The following PARP1 variants were observed in gnomAD, a reference collection of about 807,000 sequenced individuals.
PARP1 encodes the protein poly(ADP-ribose) polymerase 1, also known as poly [ADP-ribose] polymerase 1.
A neutral mutation model predicts 118.7 loss-of-function variants in PARP1; 44 were observed. The ratio of observed to expected loss-of-function variants is 0.37; its 90% CI spans 0.29 to 0.48. The LOEUF is 0.48. Ranked by LOEUF, PARP1 falls within the 20% of genes least tolerant of loss-of-function variation. The probability of loss-of-function intolerance (pLI) is 0.99; values close to 1 mark genes in which losing one functional copy is unlikely to be tolerated. For synonymous variants in PARP1, 492 were observed against 483.2 expected, an observed-to-expected ratio of 1.02 and a Z score of -0.24; for missense variants, 1,100 against 1,272.4, an observed-to-expected ratio of 0.86 and a Z score of 2.06.
At position 226,389,337 on chromosome 1, in the gene PARP1, C is replaced by T. The variant is rs929268121; in HGVS notation, c.618-582G>A. 5.3e-5 allele frequency among the ~76,000 whole-genome samples: 8 copies of T among 152,348 alleles called. 1 individual carries two copies. Among genetic ancestry groups the T allele is most frequent in the African/African-American group, 1.9e-4 (8 of 41,584 alleles). On this transcript the variant is annotated intron_variant, in intron 4 of 22. Transcript: ENST00000366794. ...GCCCCAGCTGGCTCAGCAAACACAG[C>T]TCTGAGGCTATCACCTGCCCCCAAA...
chr1:226,370,807 G>A, intron 14 of PARP1: 1 of 454,824 alleles, frequency 2.2e-6, no homozygotes, highest in Non-Finnish European at 4.1e-6. Flanking sequence ...TCTGGACGAA[G>A]ATATAGCATA....
Position 226,365,153 on chromosome 1 carries a change from A to G in PARP1, c.2507T>C (p.Ile836Thr), listed in dbSNP as rs770746875. 3 of 1,614,066 alleles carry G rather than the reference A, an allele frequency of 1.9e-6. No homozygotes were observed. In the South Asian group the frequency reaches 3.3e-5, roughly 18 times the overall value. Reference sequence around the variant, plus strand: ...TTCGCCTTCACGCTCTATCTTAAAGATCTGGTTGGAGTAGTAAACAAAGGG... The same window carrying G: ...TTCGCCTTCACGCTCTATCTTAAAGGTCTGGTTGGAGTAGTAAACAAAGGG... Reference protein sequence around the residue: ...HNAYDLEVIDIFKIEREGECQ... With the variant: ...HNAYDLEVIDTFKIEREGECQ... The change falls in exon 19 of 23, where the codon ATC becomes ACC. Residue 836 changes from isoleucine (I) to threonine (T), a missense_variant and splice_region_variant. By Grantham distance (89) the Ile-to-Thr change is moderately conservative. Coordinates refer to ENST00000366794, the MANE Select transcript of PARP1 (RefSeq NM_001618.4).
rs1664715567 is a variant in PARP1, at chr1:226,386,306, T to C, written c.834+20A>G. On this transcript the variant is annotated intron_variant, in intron 6 of 22. Transcript: ENST00000366794. The stretch of plus-strand genomic sequence containing the variant: ...GGTCGGCCTCACATGCGTGTCCCAC[T>C]TAACACAAAGGCAGCTCACCGCCGA... 1 of 1,492,898 alleles carries C rather than the reference T, an allele frequency of 6.7e-7. No individual in the cohort carries two copies. The allele number at this position is 1,492,898 out of a possible 1,614,324, so 92.5% of individuals were successfully genotyped here. A position where few individuals can be genotyped will look rare whatever the true frequency, so the allele number is the denominator to read the frequency against.
chr1:226,390,553 G>A lies in PARP1; in HGVS notation c.474C>T (p.Tyr158=), dbSNP rs771795134. 1 of 1,614,192 alleles carries A rather than the reference G, an allele frequency of 6.2e-7. No homozygotes were observed. The highest frequency in any genetic ancestry group is 1.7e-5 in the Admixed American group (1 of 60,020). ...TGTTCTTGACAAAGCAGCCTGGATG[G>A]TACCAGCGGTCAATCATGCCTAGCT... ...KPQLGMIDRW[Y]HPGCFVKNRE... The change falls in exon 4 of 23, where the codon TAC becomes TAT. Residue 158 remains tyrosine, a synonymous_variant. Transcript: ENST00000366794.
chr1:226,367,398 G>A, intron 17 of PARP1, 82 bp downstream of exon 17: 1 of 1,524,492 alleles, frequency 6.6e-7, no homozygotes, highest in Admixed American at 1.7e-5. Context: ...CTTTCCAGGA[G>A]ATCCTAACAC....
intron 15 of PARP1, 37 bp downstream of exon 15, chr1:226,370,397 G>T: frequency 6.6e-7 from 1 of 1,509,160 alleles, no homozygotes; most frequent in South Asian, 1.1e-5. Context: ...TCGGCCAGAG[G>T]AGGGTTCCAG....
At chr1:226,401,831 G>A (rs1404114265) in intron 2 of PARP1, among the ~76,000 whole-genome samples, 1 of 152,136 alleles carries the variant, frequency 6.6e-6, no homozygotes, top group Non-Finnish European at 1.5e-5. Context: ...ATGTGTCAGT[G>A]TAGGTTCCTC....
chr1:226,384,969 A>G (rs942620459), intron 7 of PARP1, among the ~76,000 whole-genome samples: 3 of 152,196 alleles, frequency 2.0e-5, no homozygotes, highest in African/African-American at 7.2e-5. Flanking sequence ...AGCCAGCCCC[A>G]CAAAGATACT....
intron 17 of PARP1, 30 bp downstream of exon 17, chr1:226,367,450 A>C: frequency 6.2e-7 from 1 of 1,612,642 alleles, no homozygotes; most frequent in Non-Finnish European, 8.5e-7. Flanking sequence ...TGAGAGGTTA[A>C]GATGCTTGAG....
chr1:226,405,612 T>C (rs1472903487), intron 1 of PARP1, among the ~76,000 whole-genome samples: 5 of 152,048 alleles, frequency 3.3e-5, no homozygotes. Context: ...GGCCCCAGAA[T>C]GCTAAACTTG....
chr1:226,387,036 G>A (rs954435291), intron 5 of PARP1, among the ~76,000 whole-genome samples: 24 of 152,174 alleles, frequency 1.6e-4, no homozygotes, highest in Admixed American at 6.5e-4. Context: ...AGACTGGAGT[G>A]CAATGATGCG....
Position 226,367,285 on chromosome 1 carries a change from C to T in PARP1, c.2406+195G>A, listed in dbSNP as rs1013013116. Reference sequence around the variant, plus strand: ...CCTTGCAAACAAGGTGCATTATCTACACGTGAAACGCCCAAAGGTTCTCAA... The same window carrying T: ...CCTTGCAAACAAGGTGCATTATCTATACGTGAAACGCCCAAAGGTTCTCAA... On this transcript the variant is annotated intron_variant, in intron 17 of 22. Coordinates refer to ENST00000366794, the MANE Select transcript of PARP1 (RefSeq NM_001618.4). 3.0e-5 allele frequency: 20 copies of T among 656,852 alleles called. No homozygotes were observed. In the East Asian group the frequency reaches 3.9e-4, roughly 13 times the overall value. 40.7% of individuals were successfully genotyped at this position (656,852 alleles called of 1,614,324 possible).
At chr1:226,370,768 C>T (rs1473072911) in intron 14 of PARP1, 5 of 552,044 alleles carry the variant, frequency 9.1e-6, no homozygotes, top group African/African-American at 1.9e-5. Context: ...TCCTCTGCCC[C>T]TATGCCCAGT....
intron 14 of PARP1, chr1:226,371,184 C>CA (rs1280814930): frequency 6.4e-6 from 1 of 156,748 alleles, no homozygotes; most frequent in Non-Finnish European, 1.4e-5. Context: ...AAAAGGCACT[C>CA]ACTCCCTTTT....
intron 14 of PARP1, among the ~76,000 whole-genome samples, chr1:226,371,872 A>G (rs1576392893): frequency 3.0e-5 from 1 of 33,098 alleles, no homozygotes; most frequent in South Asian, 1.4e-3. Flanking sequence ...CGCACAGACT[A>G]AAAATAAGAG....
At chr1:226,404,658 T>C (rs1295460224) in intron 1 of PARP1, among the ~76,000 whole-genome samples, 5 of 152,304 alleles carry the variant, frequency 3.3e-5, no homozygotes, top group Non-Finnish European at 5.9e-5. Flanking sequence ...AAGCAATGCT[T>C]TGCCCTAAAC....
chr1:226,404,538 G>A (rs1665100850), intron 1 of PARP1, among the ~76,000 whole-genome samples: 1 of 152,170 alleles, frequency 6.6e-6, no homozygotes, highest in Non-Finnish European at 1.5e-5. Flanking sequence ...TCTGGGTGCT[G>A]TCTCCCCCAA....
intron 7 of PARP1, 46 bp downstream of exon 7, chr1:226,385,458 C>T: frequency 6.4e-7 from 1 of 1,573,034 alleles, no homozygotes. Context: ...AAAGTGGGGC[C>T]AGGTTTTTCT....
rs372423681 is a variant in PARP1 at position 226,367,331 on chromosome 1, C to T, written c.2406+149G>A. ...CTCAAAGGACCACCAGCAGCAATGTCCGGGAACTTGTTAGAAAAGTGAATT... is the reference window on the plus strand; with the variant it reads ...CTCAAAGGACCACCAGCAGCAATGTTCGGGAACTTGTTAGAAAAGTGAATT... On this transcript the variant is annotated intron_variant, in intron 17 of 22. Coordinates refer to ENST00000366794, the MANE Select transcript of PARP1 (RefSeq NM_001618.4). The T allele has an allele frequency of 3.9e-4, 367 of 944,216 alleles. No individual in the cohort carries two copies. The African/African-American group carries it at 5.1e-3, about 13-fold the overall frequency. The allele number at this position is 944,216 out of a possible 1,614,324, so 58.5% of individuals were successfully genotyped here. A position where few individuals can be genotyped will look rare whatever the true frequency, so the allele number is the denominator to read the frequency against.
Sources: allele counts gnomAD v4.1 joint callset (sites outside exome capture counted in the v4.1 genomes callset), GRCh38; gene constraint gnomAD v4.1.1; transcripts MANE v1.5; gene names NCBI Gene and HGNC (gene_info 2026-07-23, HGNC 2026-07-21).